STK32B: variants seen among roughly 807,000 people sequenced by gnomAD.
STK32B encodes serine/threonine-protein kinase 32B.
STK32B carries 43 observed loss-of-function variants against 52.6 expected under a neutral mutation model. That is an observed-to-expected ratio of 0.82 (90% CI 0.64 to 1.05). STK32B has a LOEUF of 1.05. Among genes scored for constraint, STK32B ranks in the 50% least tolerant of loss-of-function variants. The probability of loss-of-function intolerance (pLI) is 0.00; values close to 1 mark genes in which losing one functional copy is unlikely to be tolerated. For synonymous variants in STK32B, 238 were observed against 204.3 expected (o/e 1.17, Z -1.41); for missense variants, 621 against 534.6 (o/e 1.16, Z -1.59).
rs1290416108 is a variant in STK32B, at chr4:5,456,850, TC to T, written c.711del (p.Asn238ThrfsTer22). On this transcript the variant is annotated frameshift_variant, in exon 8 of 12. Coordinates refer to ENST00000282908, the MANE Select transcript of STK32B (RefSeq NM_018401.3). LOFTEE classifies it high-confidence loss of function. ...TCGGTCACGCCCATCGATGAAATCC[TC>T]AACATGTTCAAGGTGGAGCGTGTCC... ...IHSVTPIDEI[L>X]NMFKVERVHY... The T allele has an allele frequency of 6.3e-7, 1 of 1,598,802 alleles. No individual in the cohort carries two copies. Among genetic ancestry groups the T allele is most frequent in the Non-Finnish European group, 8.5e-7 (1 of 1,171,132 alleles).
intron 3 of STK32B, among the ~76,000 whole-genome samples, chr4:5,176,959 C>G (rs868342986): frequency 6.6e-6 from 1 of 152,212 alleles, no homozygotes; most frequent in Non-Finnish European, 1.5e-5. Context: ...TGGGCCTCAA[C>G]TTCCTCACTT....
At chr4:5,438,949 T>G (rs1714414638) in intron 6 of STK32B, among the ~76,000 whole-genome samples, 1 of 151,920 alleles carries the variant, frequency 6.6e-6, no homozygotes, top group Non-Finnish European at 1.5e-5. Flanking sequence ...TTTTTATGGC[T>G]GCATAGTATT....
intron 1 of STK32B, among the ~76,000 whole-genome samples, chr4:5,062,487 A>G (rs1428452400): frequency 6.6e-6 from 1 of 152,106 alleles, no homozygotes; most frequent in Non-Finnish European, 1.5e-5. Context: ...CCTAAACATT[A>G]CAATGTTTAG....
In STK32B at chr4:5,316,551, T is replaced by C. The variant is rs1310030785; in HGVS notation, c.261-14669T>C. Among the ~76,000 whole-genome samples the C allele has an allele frequency of 5.4e-4, 2 of 3,720 alleles. 1 individual carries two copies. The highest frequency in any genetic ancestry group is 6.5e-4 in the Non-Finnish European group (2 of 3,058). The allele number at this position is 3,720 out of a possible 152,430, so 2.4% of individuals were successfully genotyped here. A position where few individuals can be genotyped will look rare whatever the true frequency, so the allele number is the denominator to read the frequency against. Reference sequence around the variant, plus strand: ...TATAATATATAATATATATTACATATATAATATATAATATATATTACATAT... The same window carrying C: ...TATAATATATAATATATATTACATACATAATATATAATATATATTACATAT... On this transcript the variant is annotated intron_variant, in intron 3 of 11. Transcript: ENST00000282908.
At chr4:5,280,449 T>C (rs1289997205) in intron 3 of STK32B, among the ~76,000 whole-genome samples, 1 of 152,182 alleles carries the variant, frequency 6.6e-6, no homozygotes, top group African/African-American at 2.4e-5. Context: ...CTCTCCCTCG[T>C]CTCCCTGTCT....
chr4:5,086,988 G>A (rs935390473), intron 1 of STK32B, among the ~76,000 whole-genome samples: 1 of 152,162 alleles, frequency 6.6e-6, no homozygotes, highest in African/African-American at 2.4e-5. Flanking sequence ...ACTCAAAGCT[G>A]CATGAAGAAA....
intron 6 of STK32B, among the ~76,000 whole-genome samples, chr4:5,423,320 T>C (rs1298151650): frequency 6.6e-6 from 1 of 152,064 alleles, no homozygotes; most frequent in Non-Finnish European, 1.5e-5. Flanking sequence ...ATGGTGCACA[T>C]AAAGCACTTA....
intron 10 of STK32B, 100 bp downstream of exon 10, chr4:5,466,934 C>G: frequency 7.0e-7 from 1 of 1,429,588 alleles, no homozygotes; most frequent in Non-Finnish European, 9.3e-7. Flanking sequence ...CATTTCAATC[C>G]TCCCTTCCAA....
At chr4:5,055,688 C>G (rs894148638) in intron 1 of STK32B, among the ~76,000 whole-genome samples, 1 of 152,152 alleles carries the variant, frequency 6.6e-6, no homozygotes, top group Non-Finnish European at 1.5e-5. Flanking sequence ...CCTTCCTGCT[C>G]GTCTGACATG....
At chr4:5,052,240 A>G (rs1451238253) in intron 1 of STK32B, among the ~76,000 whole-genome samples, 1 of 152,010 alleles carries the variant, frequency 6.6e-6, no homozygotes, top group African/African-American at 2.4e-5. Context: ...GGATGGTTCT[A>G]GGCTCGGGCT....
At position 5,098,476 on chromosome 4, in the gene STK32B, ATG is replaced by A. The variant is rs1560149859; in HGVS notation, c.53-41426_53-41425del. Reference sequence around the variant, plus strand: ...CTGTCCTAGGAGTTTCTTCATGAGTATGTGGTATGCATGTGTGTGCTAAGCAT... The same window carrying A: ...CTGTCCTAGGAGTTTCTTCATGAGTATGGTATGCATGTGTGTGCTAAGCAT... On this transcript the variant is annotated intron_variant, in intron 1 of 11. Transcript: ENST00000282908. 2.0e-5 allele frequency among the ~76,000 whole-genome samples: 3 copies of A among 152,212 alleles called. No individual in the cohort carries two copies. In the East Asian group the frequency reaches 5.8e-4, roughly 29 times the overall value.
At chr4:5,248,657 C>T (rs1725643994) in intron 3 of STK32B, among the ~76,000 whole-genome samples, 1 of 152,100 alleles carries the variant, frequency 6.6e-6, no homozygotes. Flanking sequence ...TTCACAATAG[C>T]AAAGACTTGG....
chr4:5,128,600 T>A (rs1560166046), intron 1 of STK32B, among the ~76,000 whole-genome samples: 1 of 152,186 alleles, frequency 6.6e-6, no homozygotes, highest in South Asian at 2.1e-4. Context: ...GCAAAGCAGT[T>A]TTTAATGAGG....
intron 1 of STK32B, among the ~76,000 whole-genome samples, chr4:5,100,024 G>T (rs914972677): frequency 1.3e-5 from 2 of 151,908 alleles, no homozygotes; most frequent in Non-Finnish European, 2.9e-5. Context: ...ACACTGAATA[G>T]GTCAAATAGA....
At chr4:5,342,134 G>T (rs1015860485) in intron 4 of STK32B, among the ~76,000 whole-genome samples, 1 of 152,196 alleles carries the variant, frequency 6.6e-6, no homozygotes, top group African/African-American at 2.4e-5. Context: ...ATGGAAGACA[G>T]TGTGGCGATT....
At chr4:5,166,328 T>A (rs1577130443) in intron 2 of STK32B, among the ~76,000 whole-genome samples, 1 of 151,786 alleles carries the variant, frequency 6.6e-6, no homozygotes, top group Non-Finnish European at 1.5e-5. Flanking sequence ...GGCCTCACTT[T>A]CCTCTCTCTG....
chr4:5,230,915 T>C (rs936195336), intron 3 of STK32B, among the ~76,000 whole-genome samples: 2 of 152,230 alleles, frequency 1.3e-5, no homozygotes, highest in Admixed American at 6.5e-5. Context: ...GAATTGGATG[T>C]CCCAGAGATG....
chr4:5,452,272 C>G (rs1223443092), intron 7 of STK32B, among the ~76,000 whole-genome samples: 1 of 152,122 alleles, frequency 6.6e-6, no homozygotes, highest in African/African-American at 2.4e-5. Context: ...TACAGAGAGG[C>G]CAGCGAGTGG....
intron 3 of STK32B, among the ~76,000 whole-genome samples, chr4:5,181,475 C>T (rs1190818986): frequency 6.6e-6 from 1 of 152,106 alleles, no homozygotes; most frequent in African/African-American, 2.4e-5. Flanking sequence ...CTGGAGGCCC[C>T]CAATCTATGG....
Sources: allele counts gnomAD v4.1 joint callset (sites outside exome capture counted in the v4.1 genomes callset), GRCh38; gene constraint gnomAD v4.1.1; transcripts MANE v1.5; gene names NCBI Gene and HGNC (gene_info 2026-07-23, HGNC 2026-07-21).